The following DLGAP2 variants were observed in gnomAD, a reference collection of about 807,000 sequenced individuals.
The protein encoded by DLGAP2 is DLG associated protein 2, also known as disks large-associated protein 2.
DLGAP2 carries 26 observed loss-of-function variants against 100.3 expected under a neutral mutation model. The observed-to-expected ratio is 0.26, with a 90% CI of 0.19 to 0.36. The LOEUF is 0.36. Ranked by LOEUF, DLGAP2 falls within the 10% of genes least tolerant of loss-of-function variation. The pLI is 1.00. For synonymous variants in DLGAP2, 886 were observed against 630.1 expected (o/e 1.41, Z -6.08); for missense variants, 1,858 against 1,453.2 (o/e 1.28, Z -4.53).
chr8:1,212,047 G>A (rs373193348), intron 2 of DLGAP2, among the ~76,000 whole-genome samples: 1 of 152,242 alleles, frequency 6.6e-6, no homozygotes, highest in African/African-American at 2.4e-5. Flanking sequence ...GCCTAGAGCA[G>A]AGTGGGCACA....
chr8:1,170,593 C>T (rs1319878376), intron 2 of DLGAP2, among the ~76,000 whole-genome samples: 3 of 136,974 alleles, frequency 2.2e-5, no homozygotes, highest in Admixed American at 1.5e-4. Flanking sequence ...GATTCAGCTT[C>T]TTCCTGGTTT....
intron 2 of DLGAP2, among the ~76,000 whole-genome samples, chr8:1,197,946 C>T (rs912947594): frequency 3.3e-5 from 5 of 152,198 alleles, no homozygotes; most frequent in Non-Finnish European, 7.3e-5. Flanking sequence ...CCCACATGTG[C>T]ATCTGTCCTC....
intron 3 of DLGAP2, among the ~76,000 whole-genome samples, chr8:1,488,021 T>C (rs1330717851): frequency 9.2e-6 from 1 of 109,128 alleles, no homozygotes; most frequent in African/African-American, 2.5e-5. Flanking sequence ...GGAGTTTCCA[T>C]CATCGCTGAG....
intron 2 of DLGAP2, among the ~76,000 whole-genome samples, chr8:1,054,027 C>T (rs977850749): frequency 1.3e-5 from 2 of 152,114 alleles, no homozygotes; most frequent in Non-Finnish European, 2.9e-5. Context: ...GCTTCCTTTT[C>T]CCGGTCAGAT....
chr8:1,504,088 A>G (rs1211910561), intron 4 of DLGAP2, among the ~76,000 whole-genome samples: 2 of 151,924 alleles, frequency 1.3e-5, no homozygotes, highest in Non-Finnish European at 1.5e-5. Context: ...CCCTGGTTCT[A>G]TGTCAGTCAG....
At chr8:1,194,366 G>T (rs1328801648) in intron 2 of DLGAP2, among the ~76,000 whole-genome samples, 1 of 152,128 alleles carries the variant, frequency 6.6e-6, no homozygotes, top group Non-Finnish European at 1.5e-5. Flanking sequence ...TCAGTGGTCG[G>T]TTGGCGGCCG....
At chr8:912,690 C>T (rs1337597770) in intron 2 of DLGAP2, among the ~76,000 whole-genome samples, 1 of 150,986 alleles carries the variant, frequency 6.6e-6, no homozygotes, top group East Asian at 2.0e-4. Flanking sequence ...CTGACCCCCG[C>T]ACCGTGGTGC....
chr8:1,190,059 G>A (rs1051951543), intron 2 of DLGAP2, among the ~76,000 whole-genome samples: 6 of 152,274 alleles, frequency 3.9e-5, no homozygotes, highest in Admixed American at 6.5e-5. Flanking sequence ...GGCTAATTAC[G>A]GGCTCTGGTT....
At chr8:854,569 CAT>C (rs761443419) in intron 1 of DLGAP2, among the ~76,000 whole-genome samples, 7 of 150,842 alleles carry the variant, frequency 4.6e-5, no homozygotes, top group East Asian at 3.9e-4. Flanking sequence ...CATGTGTCTG[CAT>C]ATGTTTGTGT....
At chr8:1,372,666 A>G (rs66897162) in intron 3 of DLGAP2, among the ~76,000 whole-genome samples, 39,388 of 152,166 alleles carry the variant, frequency 0.26, 5,409 homozygotes, top group Middle Eastern at 0.29. Context: ...AGTTATCTCA[A>G]TGCTCTTCAA....
chr8:1,144,916 G>A (rs1403873836), intron 2 of DLGAP2, among the ~76,000 whole-genome samples: 1 of 151,624 alleles, frequency 6.6e-6, no homozygotes, highest in Non-Finnish European at 1.5e-5. Context: ...CAGACGGCCT[G>A]TACCCACAGT....
chr8:1,079,399 C>T (rs1279218576), intron 2 of DLGAP2, among the ~76,000 whole-genome samples: 1 of 152,010 alleles, frequency 6.6e-6, no homozygotes, highest in Non-Finnish European at 1.5e-5. Context: ...GTATTAGTGC[C>T]TTAAGTTCTT....
At chr8:1,177,027 G>A (rs1196756560) in intron 2 of DLGAP2, among the ~76,000 whole-genome samples, 2 of 152,194 alleles carry the variant, frequency 1.3e-5, no homozygotes, top group Non-Finnish European at 2.9e-5. Flanking sequence ...TGAGATCATC[G>A]TTGATGTCGC....
chr8:1,601,348 G>A (rs970048592), intron 6 of DLGAP2, among the ~76,000 whole-genome samples: 4 of 152,178 alleles, frequency 2.6e-5, no homozygotes, highest in Non-Finnish European at 5.9e-5. Flanking sequence ...GAGACAAGAG[G>A]GTCAGGGGCC....
At chr8:1,634,039 G>A (rs1001780576) in intron 8 of DLGAP2, among the ~76,000 whole-genome samples, 15 of 152,268 alleles carry the variant, frequency 9.9e-5, no homozygotes, top group African/African-American at 2.4e-4. Context: ...AATTGCAGTC[G>A]GCACTATCAT....
At chr8:1,571,903 G>A (rs1321169738) in intron 6 of DLGAP2, among the ~76,000 whole-genome samples, 2 of 136,888 alleles carry the variant, frequency 1.5e-5, no homozygotes, top group Non-Finnish European at 3.1e-5. Flanking sequence ...ATGAGATGGA[G>A]AGGAGAGAGG....
intron 4 of DLGAP2, among the ~76,000 whole-genome samples, chr8:1,542,570 G>T (rs187059663): frequency 3.7e-4 from 57 of 152,290 alleles, no homozygotes; most frequent in African/African-American, 1.3e-3. Flanking sequence ...ACGTTTCTGG[G>T]CTTAATTGGT....
intron 3 of DLGAP2, among the ~76,000 whole-genome samples, chr8:1,458,188 G>A (rs1426288169): frequency 1.3e-5 from 2 of 151,744 alleles, no homozygotes; most frequent in African/African-American, 2.4e-5. Context: ...TTACAGGCAT[G>A]AGCCACCACA....
chr8:1,572,111 G>C (rs1802733475), intron 6 of DLGAP2, among the ~76,000 whole-genome samples: 1 of 139,240 alleles, frequency 7.2e-6, no homozygotes, highest in Non-Finnish European at 1.6e-5. Flanking sequence ...AGATGGAGAG[G>C]AGAGAGGGTG....
Sources: gnomAD v4.1 joint callset for allele counts (sites outside exome capture counted in the v4.1 genomes callset) on GRCh38, gnomAD v4.1.1 for gene constraint, MANE v1.5 for transcripts, NCBI Gene and HGNC (gene_info 2026-07-23, HGNC 2026-07-21) for gene names.